Variants in CATIP observed in about 807,000 individuals in gnomAD.
CATIP encodes ciliogenesis associated TTC17 interacting protein.
Under a neutral mutation model 42.5 loss-of-function variants are expected in CATIP, and 40 were observed. The observed-to-expected ratio is 0.94, with a 90% CI of 0.73 to 1.22. The LOEUF is 1.22. Ranked by LOEUF, CATIP falls within the 50% of genes most tolerant of loss-of-function variation. The pLI is 0.00. For synonymous variants in CATIP, 222 were observed against 200.2 expected, an observed-to-expected ratio of 1.11 and a Z score of -0.92; for missense variants, 489 against 496.0, an observed-to-expected ratio of 0.99 and a Z score of 0.13.
Position 218,362,913 on chromosome 2 carries a change from C to A in CATIP, c.630+11C>A, listed in dbSNP as rs762116934. On this transcript the variant is annotated intron_variant, in intron 6 of 9. Coordinates refer to ENST00000289388, the MANE Select transcript of CATIP (RefSeq NM_198559.2). Reference sequence around the variant, plus strand: ...TGCTATTTGACCTATGTAAGGGGTCCCCTTGGGCAGGGGACTTGGCTTGGG... The same window carrying A: ...TGCTATTTGACCTATGTAAGGGGTCACCTTGGGCAGGGGACTTGGCTTGGG... The A allele has an allele frequency of 4.3e-5, 69 of 1,602,928 alleles. No homozygotes were observed. Among genetic ancestry groups the A allele is most frequent in the African/African-American group, 4.0e-4 (30 of 74,646 alleles).
rs1001855154 is a variant in CATIP at position 218,363,757 on chromosome 2, T to C, written c.630+855T>C. Among the ~76,000 whole-genome samples the C allele has an allele frequency of 6.6e-5, 10 of 151,510 alleles. No homozygotes were observed. In the East Asian group the frequency reaches 1.9e-3, roughly 29 times the overall value. ...CCAGGAGGCGGAGGTTGCAGTGAGC[T>C]GAGATCGCACAACTGCACTCCAGCC... On this transcript the variant is annotated intron_variant, in intron 6 of 9. Transcript: ENST00000289388.
intron 7 of CATIP, chr2:218,366,816 A>G (rs1695458404): frequency 1.7e-6 from 1 of 572,942 alleles, no homozygotes; most frequent in East Asian, 3.1e-5. Flanking sequence ...GCATGAGTGA[A>G]GAGAAAGCTC....
intron 6 of CATIP, among the ~76,000 whole-genome samples, chr2:218,363,608 G>A (rs1695320171): frequency 6.6e-6 from 1 of 151,950 alleles, no homozygotes; most frequent in African/African-American, 2.4e-5. Context: ...GTCAAGATCA[G>A]CCTGGCCAAC....
In CATIP at chr2:218,367,435, A is replaced by G; in HGVS notation, c.838A>G (p.Ile280Val). 6.2e-7 allele frequency: 1 copy of G among 1,614,022 alleles called. No individual in the cohort carries two copies. The highest frequency in any genetic ancestry group is 8.5e-7 in the Non-Finnish European group (1 of 1,179,988). ...KMPILREEDEIEPRPVFEKKP... is the reference protein window; with the variant it reads ...KMPILREEDEVEPRPVFEKKP... ...CTTCCTTGTTCCCCACCTAGATGAG[A>G]TTGAGCCACGCCCAGTGTTTGAGAA... The change falls in exon 9 of 10, where the codon ATT (isoleucine) becomes GTT (valine). Residue 280 changes from isoleucine to valine, a missense_variant. Coordinates refer to ENST00000289388, the MANE Select transcript of CATIP (RefSeq NM_198559.2).
At position 218,360,900 on chromosome 2, in the gene CATIP, G is replaced by A. The variant is rs550420943; in HGVS notation, c.462+241G>A. 1.2e-4 allele frequency among the ~76,000 whole-genome samples: 18 copies of A among 149,138 alleles called. No homozygotes were observed. The East Asian group carries it at 2.2e-3, about 18-fold the overall frequency. On this transcript the variant is annotated intron_variant, in intron 5 of 9. Coordinates refer to ENST00000289388, the MANE Select transcript of CATIP (RefSeq NM_198559.2). ...GGCTGGAGTGCAATGACGTGATCTCGGCTCACTGCAACCGCCACCTCCCGG... is the reference window on the plus strand; with the variant it reads ...GGCTGGAGTGCAATGACGTGATCTCAGCTCACTGCAACCGCCACCTCCCGG...
intron 3 of CATIP, 69 bp downstream of exon 3, chr2:218,357,803 G>C: frequency 6.6e-7 from 1 of 1,511,190 alleles, no homozygotes; most frequent in Non-Finnish European, 9.1e-7. Flanking sequence ...CCAATTCCTA[G>C]AATCTTTTTT....
At position 218,362,743 on chromosome 2, in the gene CATIP, G is replaced by A. The variant is rs1430414160; in HGVS notation, c.471G>A (p.Lys157=). The A allele has an allele frequency of 6.2e-7, 1 of 1,614,044 alleles. No individual in the cohort carries two copies. The highest frequency in any genetic ancestry group is 1.7e-5 in the Admixed American group (1 of 60,000). ...AGATCAGTTCTGAACAGGAAGTGAA[G>A]ACTGGAGTGACTTCTTTCCCCTGGA... The part of the protein sequence containing the change: ...TRSIKEGEEV[K]TGVTSFPWSS... The change falls in exon 6 of 10, where the codon AAG becomes AAA. Residue 157 remains lysine (K), a synonymous_variant. Coordinates refer to ENST00000289388, the MANE Select transcript of CATIP (RefSeq NM_198559.2).
Position 218,358,234 on chromosome 2 carries a change from G to C in CATIP, c.375+142G>C, listed in dbSNP as rs181298116. 75 of 723,918 alleles carry C rather than the reference G, an allele frequency of 1.0e-4. 1 individual carries two copies. The East Asian group carries it at 1.6e-3, about 15-fold the overall frequency. 44.8% of individuals were successfully genotyped at this position (723,918 alleles called of 1,614,324 possible). A position where few individuals can be genotyped will look rare whatever the true frequency, so the allele number is the denominator to read the frequency against. On this transcript the variant is annotated intron_variant, in intron 4 of 9. Transcript: ENST00000289388. Reference sequence around the variant, plus strand: ...AATAGCAATCGTGTTATGATGCAATGTAAAGCTCAAAAGCAACGCACTTCA... The same window carrying C: ...AATAGCAATCGTGTTATGATGCAATCTAAAGCTCAAAAGCAACGCACTTCA...
chr2:218,356,940 G>A, intron 1 of CATIP, 31 bp downstream of exon 1: 1 of 1,612,892 alleles, frequency 6.2e-7, no homozygotes, highest in East Asian at 2.2e-5. Context: ...GCTGGAGGCG[G>A]GGATCCTCTT....
intron 2 of CATIP, 54 bp from the exon 3 acceptor site, chr2:218,357,480 G>T: frequency 6.7e-7 from 1 of 1,493,954 alleles, no homozygotes. Flanking sequence ...CAGAGGATTG[G>T]ATTGGGGCCC....
intron 7 of CATIP, among the ~76,000 whole-genome samples, chr2:218,365,239 C>T (rs982513345): frequency 2.6e-5 from 4 of 151,974 alleles, no homozygotes; most frequent in African/African-American, 9.7e-5. Flanking sequence ...ACGGTGAAAC[C>T]CCATCTCTAC....
chr2:218,361,078 G>A (rs1332709691), intron 5 of CATIP, among the ~76,000 whole-genome samples: 11 of 151,934 alleles, frequency 7.2e-5, no homozygotes, highest in African/African-American at 2.2e-4. Context: ...TGATCCGCCC[G>A]CCTCAGCCTC....
rs752490311 is a variant in CATIP, at chr2:218,367,845, G to A, written c.1045G>A (p.Glu349Lys). ...GGAGGACGTGGTCACCTTCGCCGCC[G>A]AGTTCTTCGGCCCCTTCGACCCGTG... Reference protein sequence around the residue: ...QPEDVVTFAAEFFGPFDPWRP... With the variant: ...QPEDVVTFAAKFFGPFDPWRP... Residue 349 changes from glutamate (E) to lysine (K), a missense_variant, in exon 10 of 10, where the codon GAG becomes AAG. By Grantham distance (56) the Glu-to-Lys change is moderately conservative. Transcript: ENST00000289388. 7.4e-6 allele frequency: 12 copies of A among 1,613,050 alleles called. No individual in the cohort carries two copies. The East Asian group carries it at 1.8e-4, about 24-fold the overall frequency.
chr2:218,358,893 A>AG (rs1209705132), intron 4 of CATIP, among the ~76,000 whole-genome samples: 2 of 150,914 alleles, frequency 1.3e-5, no homozygotes, highest in African/African-American at 4.8e-5. Flanking sequence ...CAAAAAAAAA[A>AG]AAAAAAGAAA....
intron 8 of CATIP, 75 bp downstream of exon 8, chr2:218,367,175 G>T: frequency 8.6e-7 from 1 of 1,169,450 alleles, no homozygotes; most frequent in Non-Finnish European, 1.3e-6. Flanking sequence ...CCAGGATGCA[G>T]GGGGCTGGAC....
intron 4 of CATIP, among the ~76,000 whole-genome samples, chr2:218,359,068 G>A (rs959421852): frequency 5.3e-5 from 8 of 151,958 alleles, no homozygotes; most frequent in Non-Finnish European, 1.2e-4. Context: ...GCCGGGCGCA[G>A]TGGCTCACAC....
In CATIP at chr2:218,357,124, G is replaced by C. The variant is rs1390443471; in HGVS notation, c.55G>C (p.Gly19Arg). ...CAGAGCTAAGGACCACCAGCCCTCG[G>C]GTCCGGAGTGTCTGCCACTCCCAGA... ...GSRAKDHQPS[G>R]PECLPLPEAN... Residue 19 changes from glycine to arginine, a missense_variant, in exon 2 of 10, where the codon GGT (glycine) becomes CGT (arginine). Coordinates refer to ENST00000289388, the MANE Select transcript of CATIP (RefSeq NM_198559.2). The C allele has an allele frequency of 6.2e-7, 1 of 1,613,788 alleles. No individual in the cohort carries two copies. The highest frequency in any genetic ancestry group is 8.5e-7 in the Non-Finnish European group (1 of 1,179,936).
intron 5 of CATIP, among the ~76,000 whole-genome samples, chr2:218,362,126 C>T (rs1225263995): frequency 1.3e-5 from 2 of 151,572 alleles, no homozygotes; most frequent in Non-Finnish European, 2.9e-5. Flanking sequence ...GAGGCCAAGG[C>T]GGGCGGATCA....
In CATIP at chr2:218,357,634, G is replaced by C. The variant is rs1315771088; in HGVS notation, c.219G>C (p.Gly73=). Residue 73 remains glycine (G), a synonymous_variant, in exon 3 of 10, where the codon GGG becomes GGC. Coordinates refer to ENST00000289388, the MANE Select transcript of CATIP (RefSeq NM_198559.2). ...AGCTGACCATTGAGGTGCAGAGAGGGAAATACCAGGAAAAACTCGGCATGC... is the reference window on the plus strand; with the variant it reads ...AGCTGACCATTGAGGTGCAGAGAGGCAAATACCAGGAAAAACTCGGCATGC... The part of the protein sequence containing the change: ...QGELTIEVQR[G]KYQEKLGMLT... 5.0e-6 allele frequency: 8 copies of C among 1,614,080 alleles called. No homozygotes were observed. Among genetic ancestry groups the C allele is most frequent in the Middle Eastern group, 3.3e-4 (2 of 6,060 alleles).
Sources: allele counts gnomAD v4.1 joint callset (sites outside exome capture counted in the v4.1 genomes callset), GRCh38; gene constraint gnomAD v4.1.1; transcripts MANE v1.5; gene names NCBI Gene and HGNC (gene_info 2026-07-23, HGNC 2026-07-21).